MINDY4: variants seen among roughly 807,000 people sequenced by gnomAD.
MINDY4 encodes probable ubiquitin carboxyl-terminal hydrolase MINDY-4.
In MINDY4, 68 loss-of-function variants were observed where a neutral mutation model predicts 87.0. The observed-to-expected ratio is 0.78, with a 90% CI of 0.64 to 0.96. MINDY4 has a LOEUF of 0.96. Ranked by LOEUF, MINDY4 falls within the 40% of genes least tolerant of loss-of-function variation. The pLI, the probability that MINDY4 is intolerant of heterozygous loss-of-function variation, is 0.00. For synonymous variants in MINDY4, 379 were observed against 363.2 expected (o/e 1.04, Z -0.50); for missense variants, 919 against 928.2 (o/e 0.99, Z 0.13).
Position 30,782,201 on chromosome 7 carries a change from A to G in MINDY4, c.408A>G (p.Thr136=). Residue 136 remains threonine (T), a synonymous_variant, in exon 3 of 18, where the codon ACA becomes ACG. Transcript: ENST00000265299. ...GATGGAGAACATCATTGTCAGAAACAAGCAAAGCCAGGTATCTTTTCCCAT... is the reference window on the plus strand; with the variant it reads ...GATGGAGAACATCATTGTCAGAAACGAGCAAAGCCAGGTATCTTTTCCCAT... The part of the protein sequence containing the change: ...DAGWRTSLSE[T]SKARHDNLDG... The G allele has an allele frequency of 6.2e-7, 1 of 1,611,028 alleles. No individual in the cohort carries two copies. Among genetic ancestry groups the G allele is most frequent in the Non-Finnish European group, 8.5e-7 (1 of 1,178,252 alleles).
chr7:30,795,994 C>A (rs1787474496), intron 5 of MINDY4, among the ~76,000 whole-genome samples: 1 of 152,162 alleles, frequency 6.6e-6, no homozygotes, highest in African/African-American at 2.4e-5. Flanking sequence ...TCATCTGCAA[C>A]CTTAATCCCC....
At chr7:30,866,245 C>A (rs1013150326) in intron 13 of MINDY4, among the ~76,000 whole-genome samples, 1 of 152,214 alleles carries the variant, frequency 6.6e-6, no homozygotes, top group Non-Finnish European at 1.5e-5. Context: ...CACCCAGGGA[C>A]CTTACATGTT....
intron 13 of MINDY4, among the ~76,000 whole-genome samples, chr7:30,863,998 A>G (rs1006671510): frequency 1.3e-5 from 2 of 152,176 alleles, no homozygotes; most frequent in Non-Finnish European, 2.9e-5. Flanking sequence ...AGCACTGAGC[A>G]TGGGCTGCTC....
intron 1 of MINDY4, among the ~76,000 whole-genome samples, chr7:30,776,651 G>T (rs1786827076): frequency 6.6e-6 from 1 of 152,196 alleles, no homozygotes; most frequent in Non-Finnish European, 1.5e-5. Flanking sequence ...AGGGAAACTG[G>T]GACAGGAGTG....
chr7:30,866,559 T>C (rs1021368833), intron 13 of MINDY4, among the ~76,000 whole-genome samples: 3 of 152,172 alleles, frequency 2.0e-5, no homozygotes, highest in African/African-American at 7.2e-5. Context: ...GACCAGTGTG[T>C]GAAAAGCAGT....
chr7:30,850,434 C>G lies in MINDY4; in HGVS notation c.1446-20C>G, dbSNP rs1411724674. On this transcript the variant is annotated intron_variant, in intron 9 of 17. Transcript: ENST00000265299. ...CTTGTGTCCACATGGGCATAAATGC[C>G]TTCCTTTTCTTGTCCGCAGGGGACT... 4 of 1,603,414 alleles carry G rather than the reference C, an allele frequency of 2.5e-6. No individual in the cohort carries two copies. The highest frequency in any genetic ancestry group is 3.4e-6 in the Non-Finnish European group (4 of 1,174,662).
rs367941864 is a variant in MINDY4, at chr7:30,776,545, C to A, written c.64-1887C>A. Among the ~76,000 whole-genome samples, 9 of 152,280 alleles carry A rather than the reference C, an allele frequency of 5.9e-5. 1 individual carries two copies. Among genetic ancestry groups the A allele is most frequent in the African/African-American group, 2.2e-4 (9 of 41,562 alleles). ...TTGTTGTCTCTCCCCCTATAGAGTGCAAGCTCCCTGAGGACTGGGACTTTC... is the reference window on the plus strand; with the variant it reads ...TTGTTGTCTCTCCCCCTATAGAGTGAAAGCTCCCTGAGGACTGGGACTTTC... On this transcript the variant is annotated intron_variant, in intron 1 of 17. Coordinates refer to ENST00000265299, the MANE Select transcript of MINDY4 (RefSeq NM_032222.3).
intron 15 of MINDY4, among the ~76,000 whole-genome samples, chr7:30,876,938 C>T (rs80070279): frequency 0.021 from 3,148 of 152,186 alleles, 49 homozygotes; most frequent in Middle Eastern, 0.051. Flanking sequence ...TCAGTTTTAC[C>T]CACCCTTCCC....
At chr7:30,828,815 G>A in intron 6 of MINDY4, 78 bp downstream of exon 6, 1 of 1,490,894 alleles carries the variant, frequency 6.7e-7, no homozygotes, top group South Asian at 1.1e-5. Context: ...GGAGATGGGT[G>A]GTCGGGGGCC....
intron 5 of MINDY4, among the ~76,000 whole-genome samples, chr7:30,806,850 T>C (rs1787823731): frequency 6.6e-6 from 1 of 152,196 alleles, no homozygotes; most frequent in Non-Finnish European, 1.5e-5. Context: ...GCCTGGACAA[T>C]GGGCTGGCAC....
At chr7:30,832,289 T>G (rs757778100) in intron 6 of MINDY4, among the ~76,000 whole-genome samples, 1 of 152,204 alleles carries the variant, frequency 6.6e-6, no homozygotes, top group Non-Finnish European at 1.5e-5. Flanking sequence ...ATACTGTCAC[T>G]TTGTGCCTCC....
rs560727892 is a variant in MINDY4 at position 30,890,046 on chromosome 7, A to G, written c.2226-1911A>G. Among the ~76,000 whole-genome samples, 20 of 152,362 alleles carry G rather than the reference A, an allele frequency of 1.3e-4. 1 individual carries two copies. The South Asian group carries it at 3.7e-3, about 28-fold the overall frequency. The stretch of plus-strand genomic sequence containing the variant: ...GAAAAGGATTGATTGCCAAAAGGCC[A>G]TACAACCTGATTTTGGGTGAGATCT... On this transcript the variant is annotated intron_variant, in intron 17 of 17. Transcript: ENST00000265299.
Position 30,875,484 on chromosome 7 carries a change from C to G in MINDY4, c.1810-11C>G. On this transcript the variant is annotated splice_polypyrimidine_tract_variant and intron_variant, in intron 14 of 17. Transcript: ENST00000265299. ...GACTTGATGAGTCTTTCCCCTTTCT[C>G]TCATCTGCAGGAACTTGTCAATCTG... The G allele has an allele frequency of 1.2e-6, 2 of 1,614,140 alleles. No homozygotes were observed. Among genetic ancestry groups the G allele is most frequent in the African/African-American group, 1.3e-5 (1 of 75,052 alleles).
At chr7:30,872,844 A>G (rs1351448493) in intron 14 of MINDY4, among the ~76,000 whole-genome samples, 1 of 152,164 alleles carries the variant, frequency 6.6e-6, no homozygotes, top group African/African-American at 2.4e-5. Flanking sequence ...CAGGGAAGGG[A>G]CCTTTTCAAG....
rs758919689 is a variant in MINDY4 at position 30,860,444 on chromosome 7, C to T, written c.1745+1120C>T. On this transcript the variant is annotated intron_variant, in intron 13 of 17. Coordinates refer to ENST00000265299, the MANE Select transcript of MINDY4 (RefSeq NM_032222.3). ...CCATAATGATATGATTCATTCCTGGCGTGGACTCACGTGCATGGAGACCAT... is the reference window on the plus strand; with the variant it reads ...CCATAATGATATGATTCATTCCTGGTGTGGACTCACGTGCATGGAGACCAT... Among the ~76,000 whole-genome samples the T allele has an allele frequency of 4.6e-5, 7 of 152,154 alleles. No homozygotes were observed. The East Asian group carries it at 9.6e-4, about 21-fold the overall frequency.
At chr7:30,805,161 C>T (rs140774399) in intron 5 of MINDY4, among the ~76,000 whole-genome samples, 78 of 152,240 alleles carry the variant, frequency 5.1e-4, no homozygotes, top group African/African-American at 1.7e-3. Context: ...GGGCCCCTGC[C>T]GGGAAGGCAA....
At chr7:30,849,194 G>A (rs577548944) in intron 9 of MINDY4, among the ~76,000 whole-genome samples, 19 of 152,256 alleles carry the variant, frequency 1.2e-4, no homozygotes, top group Admixed American at 9.8e-4. Context: ...CTCCTGTCCT[G>A]GAAAAGAGGG....
At chr7:30,808,478 C>G (rs1562537743) in intron 5 of MINDY4, among the ~76,000 whole-genome samples, 1 of 151,986 alleles carries the variant, frequency 6.6e-6, no homozygotes, top group South Asian at 2.1e-4. Context: ...CCTTTTTACT[C>G]GTTCTTTGTT....
chr7:30,786,420 C>G (rs1049602593), intron 4 of MINDY4: 1 of 166,600 alleles, frequency 6.0e-6, no homozygotes, highest in Non-Finnish European at 1.3e-5. Flanking sequence ...TGAGACCAGC[C>G]TGGGCAACAT....
Sources: allele counts gnomAD v4.1 joint callset (sites outside exome capture counted in the v4.1 genomes callset), GRCh38; gene constraint gnomAD v4.1.1; transcripts MANE v1.5; gene names NCBI Gene and HGNC (gene_info 2026-07-23, HGNC 2026-07-21).